Variants in ACY1 observed in about 807,000 individuals in gnomAD.
ACY1 encodes the protein aminoacylase 1, also known as aminoacylase-1.
ACY1 carries 38 observed loss-of-function variants against 53.3 expected under a neutral mutation model. The ratio of observed to expected loss-of-function variants is 0.71; its 90% confidence interval spans 0.55 to 0.93. The LOEUF (loss-of-function observed/expected upper bound fraction) is 0.93, where lower values mean the gene tolerates loss of function less well. ACY1 is among the 40% of genes least tolerant of loss of function. The pLI, the probability that ACY1 is intolerant of heterozygous loss-of-function variation, is 0.00. For missense variants in ACY1, 484 were observed against 540.9 expected, an observed-to-expected ratio of 0.89 and a Z score of 1.04; for synonymous variants, 177 against 202.1, an observed-to-expected ratio of 0.88 and a Z score of 1.05.
Position 51,988,763 on chromosome 3 carries a change from C to T in ACY1, c.1002-3C>T, listed in dbSNP as rs112229877. ...CCCATTCATCAGGCTCTTTCTCCTA[C>T]AGGAACCTCACTCTGGAGCCTGAGA... On this transcript the variant is annotated splice_region_variant and splice_polypyrimidine_tract_variant and intron_variant, in intron 13 of 14. Transcript: ENST00000636358. 3.7e-6 allele frequency: 6 copies of T among 1,614,014 alleles called. No individual in the cohort carries two copies. The highest frequency in any genetic ancestry group is 2.7e-5 in the African/African-American group (2 of 74,910).
At chr3:51,984,917 T>C (rs1167984515) in intron 2 of ACY1, 2 of 506,026 alleles carry the variant, frequency 4.0e-6, no homozygotes, top group Non-Finnish European at 7.2e-6. Flanking sequence ...AGCTGAGAGA[T>C]GGTGGGTGAA....
intron 3 of ACY1, 43 bp from the exon 4 acceptor site, chr3:51,985,318 T>C (rs753477109): frequency 2.5e-6 from 4 of 1,613,800 alleles, no homozygotes; most frequent in Non-Finnish European, 3.4e-6. Context: ...CCTGGGCACT[T>C]CCTCACCCTG....
At chr3:51,987,276 T>C (rs564619780) in intron 10 of ACY1, 33 bp from the exon 11 acceptor site, 2 of 1,614,080 alleles carry the variant, frequency 1.2e-6, no homozygotes, top group Admixed American at 3.3e-5. Context: ...CTCTTTTATC[T>C]GTTGCTGCCG....
chr3:51,985,523 A>T, intron 4 of ACY1, 58 bp downstream of exon 4: 1 of 1,538,534 alleles, frequency 6.5e-7, no homozygotes, highest in South Asian at 1.1e-5. Context: ...CATGATGCAG[A>T]CCCCAGGATT....
rs769746453 is a variant in ACY1, at chr3:51,986,457, A to AGCGGCCTGAGTTCC, written c.480_493dup (p.His165ArgfsTer8). On this transcript the variant is annotated frameshift_variant, in exon 7 of 15. Coordinates refer to ENST00000636358, the MANE Select transcript of ACY1 (RefSeq NM_000666.3). LOFTEE classifies it high-confidence loss of function. ...CACCAAGGCATGGAGCTGTTCGTGC[A>AGCGGCCTGAGTTCC]GCGGCCTGAGTTCCACGCCCTGAGG... 1.7e-5 allele frequency: 28 copies of AGCGGCCTGAGTTCC among 1,613,580 alleles called. No homozygotes were observed. The African/African-American group carries it at 3.3e-4, about 19-fold the overall frequency.
chr3:51,983,556 G>A lies in ACY1; in HGVS notation c.-52G>A, dbSNP rs115854290. The A allele has an allele frequency of 1.0e-2, 2,019 of 202,732 alleles. 47 individuals carry two copies. Among genetic ancestry groups the A allele is most frequent in the African/African-American group, 0.045 (1,901 of 42,434 alleles). 12.6% of individuals were successfully genotyped at this position (202,732 alleles called of 1,614,324 possible). A position where few individuals can be genotyped will look rare whatever the true frequency, so the allele number is the denominator to read the frequency against. On this transcript the variant is annotated 5_prime_UTR_variant, in exon 1 of 15. Coordinates refer to ENST00000636358, the MANE Select transcript of ACY1 (RefSeq NM_000666.3). ...GGCCACAGTCAGGGAAGGGCGCTGA[G>A]AGGCGAGCGTGAGCCCAGCGACAGG...
At position 51,988,883 on chromosome 3, in the gene ACY1, C is replaced by T. The variant is rs1190777762; in HGVS notation, c.1063-28C>T. 3 of 1,614,234 alleles carry T rather than the reference C, an allele frequency of 1.9e-6. No homozygotes were observed. The African/African-American group carries it at 4.0e-5, about 22-fold the overall frequency. On this transcript the variant is annotated intron_variant, in intron 14 of 14. Transcript: ENST00000636358. ...GGACTGGGCCTGAGTGCTGGCTTTT[C>T]CCTAACGGCTCTTCCTCACCCCTGC...
intron 2 of ACY1, chr3:51,984,921 G>A: frequency 3.8e-6 from 2 of 527,788 alleles, no homozygotes; most frequent in Non-Finnish European, 6.9e-6. Context: ...GAGAGATGGT[G>A]GGTGAATCTC....
In ACY1 at chr3:51,986,269, T is replaced by G; in HGVS notation, c.374T>G (p.Val125Gly). The G allele has an allele frequency of 1.2e-6, 2 of 1,607,660 alleles. No homozygotes were observed. The highest frequency in any genetic ancestry group is 1.7e-6 in the Non-Finnish European group (2 of 1,179,056). The change falls in exon 6 of 15, where the codon GTG becomes GGG. Residue 125 changes from valine (V) to glycine (G), a missense_variant. By Grantham distance (109) the Val-to-Gly change is moderately radical (BLOSUM62 -3). Coordinates refer to ENST00000636358, the MANE Select transcript of ACY1 (RefSeq NM_000666.3). ...KCVSIQYLEA[V>G]RRLKVEGHRF... is the part of the protein sequence containing the mutation. ...TGCCCCCTCAGGTACCTGGAAGCTG[T>G]GAGGAGGCTGAAGGTGGAGGGCCAC... is the stretch of plus-strand genomic sequence containing the variant.
At chr3:51,984,238 T>C in intron 2 of ACY1, 80 bp downstream of exon 2, 2 of 1,348,374 alleles carry the variant, frequency 1.5e-6, no homozygotes, top group Non-Finnish European at 2.1e-6. Flanking sequence ...CCAACCCCTG[T>C]CACCCAGCTG....
chr3:51,984,702 C>G (rs2106828313), intron 2 of ACY1: 1 of 260,602 alleles, frequency 3.8e-6, no homozygotes, highest in Non-Finnish European at 7.5e-6. Flanking sequence ...GTAGTCCCAG[C>G]TACTCCAGAG....
chr3:51,983,739 T>G, intron 1 of ACY1, 150 bp downstream of exon 1: 1 of 459,612 alleles, frequency 2.2e-6, no homozygotes, highest in Non-Finnish European at 4.0e-6. Flanking sequence ...CAAGTCTGGG[T>G]TCAAACCTTG....
At chr3:51,983,899 CA>C in intron 1 of ACY1, 147 bp from the exon 2 acceptor site, 2 of 687,408 alleles carry the variant, frequency 2.9e-6, no homozygotes, top group Non-Finnish European at 5.3e-6. Context: ...GCGCCTGAAA[CA>C]GAATGGGTGC....
chr3:51,983,904 T>C (rs1700968677), intron 1 of ACY1, 143 bp from the exon 2 acceptor site: 1 of 691,742 alleles, frequency 1.4e-6, no homozygotes, highest in Admixed American at 2.0e-5. Flanking sequence ...TGAAACAGAA[T>C]GGGTGCTCCT....
chr3:51,984,183 C>T (rs748062580), intron 2 of ACY1, 25 bp downstream of exon 2: 13 of 1,607,328 alleles, frequency 8.1e-6, no homozygotes, highest in Admixed American at 1.7e-5. Flanking sequence ...GTTCCAGAGC[C>T]TGTGACGGGG....
At chr3:51,987,719 C>A in intron 12 of ACY1, 95 bp downstream of exon 12, 1 of 1,280,208 alleles carries the variant, frequency 7.8e-7, no homozygotes, top group Non-Finnish European at 1.1e-6. Flanking sequence ...CTGCATATGT[C>A]TGGGCATTTC....
In ACY1 at chr3:51,985,277, C is replaced by A. The variant is rs770133911; in HGVS notation, c.159+6C>A. 2 of 1,611,654 alleles carry A rather than the reference C, an allele frequency of 1.2e-6. No homozygotes were observed. The highest frequency in any genetic ancestry group is 1.7e-6 in the Non-Finnish European group (2 of 1,179,002). On this transcript the variant is annotated splice_donor_region_variant and intron_variant, in intron 3 of 14. Transcript: ENST00000636358. The stretch of plus-strand genomic sequence containing the variant: ...TGGGCTGTCAGAAAGTAGAGGTGAG[C>A]CTGGGGCCCTAAGCGGGGAAGGGAG...
At chr3:51,984,589 C>T (rs1700991653) in intron 2 of ACY1, 3 of 311,900 alleles carry the variant, frequency 9.6e-6, no homozygotes, top group South Asian at 9.1e-5. Context: ...TTGAGGCTGG[C>T]AGATTGCTTG....
rs915188349 is a variant in ACY1 at position 51,985,001 on chromosome 3, C to T, written c.95-206C>T. The T allele has an allele frequency of 2.8e-5, 18 of 631,636 alleles. No individual in the cohort carries two copies. The African/African-American group carries it at 2.9e-4, about 10-fold the overall frequency. The allele number at this position is 631,636 out of a possible 1,614,324, so 39.1% of individuals were successfully genotyped here. A position where few individuals can be genotyped will look rare whatever the true frequency, so the allele number is the denominator to read the frequency against. ...ACCTTCCTCCAACCCTGTGTCCAGA[C>T]ATCCCCCTGGACTTCCAGAAAGGGT... is the stretch of plus-strand genomic sequence containing the variant. On this transcript the variant is annotated intron_variant, in intron 2 of 14. Transcript: ENST00000636358.
Sources: gnomAD v4.1 joint callset for allele counts on GRCh38, gnomAD v4.1.1 for gene constraint, MANE v1.5 for transcripts, NCBI Gene and HGNC (gene_info 2026-07-23, HGNC 2026-07-21) for gene names.